Variants in UCHL5 observed in about 807,000 individuals in gnomAD.
The protein encoded by UCHL5 is ubiquitin carboxyl-terminal hydrolase isozyme L5.
A neutral mutation model predicts 53.8 loss-of-function variants in UCHL5; 34 were observed. The ratio of observed to expected loss-of-function variants is 0.63; its 90% CI spans 0.48 to 0.84. UCHL5 has a LOEUF of 0.84. Among genes scored for constraint, UCHL5 ranks in the 40% least tolerant of loss-of-function variants. The pLI is 0.00. For missense variants in UCHL5, 290 were observed against 385.6 expected, an observed-to-expected ratio of 0.75 and a Z score of 2.08; for synonymous variants, 111 against 126.3, an observed-to-expected ratio of 0.88 and a Z score of 0.81.
rs1286631872 is a variant in UCHL5, at chr1:193,016,303, A to G, written c.*48T>C. 1.3e-6 allele frequency: 2 copies of G among 1,592,948 alleles called. No individual in the cohort carries two copies. The highest frequency in any genetic ancestry group is 4.5e-5 in the East Asian group (2 of 44,300). On this transcript the variant is annotated 3_prime_UTR_variant, in exon 11 of 11. Coordinates refer to ENST00000367454, the MANE Select transcript of UCHL5 (RefSeq NM_001199261.3). Reference sequence around the variant, plus strand: ...AAGTTCTTTATACATAATGGTTTCCATGAAAATATGTGCAGAAGCAGAAAT... The same window carrying G: ...AAGTTCTTTATACATAATGGTTTCCGTGAAAATATGTGCAGAAGCAGAAAT...
chr1:193,054,022 C>A (rs369096603), intron 1 of UCHL5, among the ~76,000 whole-genome samples: 214 of 139,758 alleles, frequency 1.5e-3, no homozygotes, highest in Non-Finnish European at 1.6e-3. Flanking sequence ...CACTGGTTAC[C>A]AAAAAAAAAA....
chr1:193,043,833 T>C (rs1490998193), intron 3 of UCHL5, among the ~76,000 whole-genome samples: 2 of 152,246 alleles, frequency 1.3e-5, no homozygotes, highest in African/African-American at 2.4e-5. Flanking sequence ...TAGTGAGCAC[T>C]GTCTGTGACA....
chr1:193,033,366 G>A (rs1378496032), intron 3 of UCHL5, among the ~76,000 whole-genome samples: 6 of 152,030 alleles, frequency 3.9e-5, no homozygotes, highest in South Asian at 2.1e-4. Context: ...ATCACACACC[G>A]GGGCTTGTCG....
At chr1:193,022,059 G>A (rs951715742) in intron 9 of UCHL5, among the ~76,000 whole-genome samples, 11 of 152,134 alleles carry the variant, frequency 7.2e-5, no homozygotes, top group Admixed American at 6.5e-4. Context: ...TTAATATCAT[G>A]TGAAATGGAA....
At chr1:193,031,640 A>C (rs1661453992) in intron 3 of UCHL5, among the ~76,000 whole-genome samples, 1 of 152,186 alleles carries the variant, frequency 6.6e-6, no homozygotes, top group Admixed American at 6.5e-5. Flanking sequence ...AAAACAAAAG[A>C]AAATTTAAAG....
At position 193,021,161 on chromosome 1, in the gene UCHL5, G is replaced by A; in HGVS notation, c.878C>T (p.Pro293Leu). 6.2e-7 allele frequency: 1 copy of A among 1,609,636 alleles called. No individual in the cohort carries two copies. Among genetic ancestry groups the A allele is most frequent in the East Asian group, 2.2e-5 (1 of 44,700 alleles). Residue 293 changes from proline to leucine, a missense_variant, in exon 10 of 11, where the codon CCT becomes CTT. By Grantham distance (98) the Pro-to-Leu change is moderately conservative. Coordinates refer to ENST00000367454, the MANE Select transcript of UCHL5 (RefSeq NM_001199261.3). ...ENIRRKHNYL[P>L]FIMELLKTLA... ...AGTCTTTAACAATTCCATAATGAAA[G>A]GCAGATAATTATGCTTCCTTCTGAT...
intron 3 of UCHL5, among the ~76,000 whole-genome samples, chr1:193,045,425 T>C (rs978805285): frequency 5.9e-5 from 9 of 152,228 alleles, no homozygotes; most frequent in African/African-American, 7.2e-5. Context: ...TGGTGTTAAG[T>C]GAGCTGTTGC....
intron 3 of UCHL5, among the ~76,000 whole-genome samples, chr1:193,039,423 A>T (rs1218828324): frequency 6.6e-6 from 1 of 152,136 alleles, no homozygotes; most frequent in East Asian, 1.9e-4. Context: ...AAAAAATAAT[A>T]ATCTAAAATA....
In UCHL5 at chr1:193,024,147, C is replaced by T. The variant is rs139783848; in HGVS notation, c.630-201G>A. Among the ~76,000 whole-genome samples, 28 of 151,776 alleles carry T rather than the reference C, an allele frequency of 1.8e-4. 1 individual carries two copies. In the East Asian group the frequency reaches 4.1e-3, roughly 22 times the overall value. ...CCCAGCTACTTGGGAGGCTCAGGAGCGGAGAGGATCCTTTGAGTTTAGAAG... is the reference window on the plus strand; with the variant it reads ...CCCAGCTACTTGGGAGGCTCAGGAGTGGAGAGGATCCTTTGAGTTTAGAAG... On this transcript the variant is annotated intron_variant, in intron 7 of 10. Transcript: ENST00000367454.
intron 3 of UCHL5, among the ~76,000 whole-genome samples, chr1:193,048,751 A>T (rs1668106393): frequency 6.6e-6 from 1 of 152,272 alleles, no homozygotes; most frequent in Non-Finnish European, 1.5e-5. Flanking sequence ...GCAGACATTT[A>T]AAAGATTTGC....
intron 7 of UCHL5, among the ~76,000 whole-genome samples, chr1:193,026,081 T>C (rs1479724781): frequency 2.8e-5 from 4 of 143,336 alleles, no homozygotes; most frequent in Admixed American, 2.1e-4. Context: ...TAATTGAATA[T>C]GCATAGGCAA....
At position 193,021,140 on chromosome 1, in the gene UCHL5, T is replaced by C. The variant is rs1330468927; in HGVS notation, c.899A>G (p.Lys300Arg). ...TAACTGCTGGTGTTCTGCTAAAGTC[T>C]TTAACAATTCCATAATGAAAGGCAG... ...NYLPFIMELL[K>R]TLAEHQQLIP... The change falls in exon 10 of 11, where the codon AAG (lysine) becomes AGG (arginine). Residue 300 changes from lysine (K) to arginine (R), a missense_variant. Coordinates refer to ENST00000367454, the MANE Select transcript of UCHL5 (RefSeq NM_001199261.3). 1 of 1,610,682 alleles carries C rather than the reference T, an allele frequency of 6.2e-7. No homozygotes were observed. The highest frequency in any genetic ancestry group is 1.3e-5 in the African/African-American group (1 of 74,826).
At chr1:193,046,356 T>C (rs916580636) in intron 3 of UCHL5, among the ~76,000 whole-genome samples, 6 of 152,098 alleles carry the variant, frequency 3.9e-5, no homozygotes, top group Non-Finnish European at 8.8e-5. Context: ...GGGAAATAAT[T>C]AGAAACTCAA....
intron 1 of UCHL5, among the ~76,000 whole-genome samples, chr1:193,054,193 G>A (rs1236547243): frequency 6.6e-6 from 1 of 152,150 alleles, no homozygotes; most frequent in East Asian, 1.9e-4. Flanking sequence ...TGGGTCTAGG[G>A]ATAGAAACAA....
At chr1:193,056,465 A>T (rs946735097) in intron 1 of UCHL5, among the ~76,000 whole-genome samples, 2 of 152,180 alleles carry the variant, frequency 1.3e-5, no homozygotes, top group African/African-American at 4.8e-5. Flanking sequence ...AAGAAAAATG[A>T]ATCTAGTCCC....
At chr1:193,018,739 T>A in intron 10 of UCHL5, 1 of 1,482,396 alleles carries the variant, frequency 6.7e-7, no homozygotes. Context: ...CAGCATATAG[T>A]AGCACTGCAT....
intron 10 of UCHL5, chr1:193,020,068 C>A: frequency 1.0e-6 from 1 of 984,800 alleles, no homozygotes; most frequent in Non-Finnish European, 1.2e-6. Context: ...TTAGAATACA[C>A]CCTGAGATGC....
intron 10 of UCHL5, among the ~76,000 whole-genome samples, chr1:193,019,728 T>A (rs1656209125): frequency 6.6e-6 from 1 of 151,708 alleles, no homozygotes; most frequent in Non-Finnish European, 1.5e-5. Flanking sequence ...CTCAAAAAAA[T>A]CTGGGGATAT....
At chr1:193,039,888 C>A (rs1479419806) in intron 3 of UCHL5, among the ~76,000 whole-genome samples, 1 of 152,060 alleles carries the variant, frequency 6.6e-6, no homozygotes, top group Non-Finnish European at 1.5e-5. Context: ...CAAGAATATA[C>A]AATAGAGAAA....
Sources: allele counts gnomAD v4.1 joint callset (sites outside exome capture counted in the v4.1 genomes callset), GRCh38; gene constraint gnomAD v4.1.1; transcripts MANE v1.5; gene names NCBI Gene and HGNC (gene_info 2026-07-23, HGNC 2026-07-21).